Variants in PHF24 observed in about 807,000 individuals in gnomAD.
The protein encoded by PHF24 is Galpha inhibitory interacting protein.
A neutral mutation model predicts 42.6 loss-of-function variants in PHF24; 25 were observed. The observed-to-expected ratio is 0.59, with a 90% CI of 0.43 to 0.82. The LOEUF (loss-of-function observed/expected upper bound fraction) is 0.82. Among genes scored for constraint, PHF24 ranks in the 40% least tolerant of loss-of-function variants. The pLI is 0.00. For synonymous variants in PHF24, 185 were observed against 204.8 expected (o/e 0.90, Z 0.83); for missense variants, 470 against 538.1 (o/e 0.87, Z 1.25).
the PHF24 span, among the ~76,000 whole-genome samples, chr9:34,767,289 C>A: frequency 4.6e-4 from 70 of 152,324 alleles, no homozygotes; most frequent in African/African-American, 1.6e-3. Context: ...TTTGTTTGTC[C>A]GTGCCCTTCC....
chr9:34,914,017 T>C, the PHF24 span, among the ~76,000 whole-genome samples: 6 of 152,290 alleles, frequency 3.9e-5, no homozygotes, highest in South Asian at 1.2e-3. Context: ...TTAGAGTTAT[T>C]TGGCTTTATT....
the PHF24 span, chr9:34,724,045 C>G: frequency 6.6e-7 from 1 of 1,526,068 alleles, no homozygotes; most frequent in Non-Finnish European, 8.9e-7. Flanking sequence ...GCCCAAACCC[C>G]GCATCCCCTT....
the PHF24 span, among the ~76,000 whole-genome samples, chr9:34,850,422 G>T: frequency 2.0e-5 from 3 of 151,916 alleles, no homozygotes; most frequent in Non-Finnish European, 4.4e-5. Context: ...CATTCTTCAC[G>T]TAGTTCTCGA....
At chr9:34,970,630 A>G (rs1308098231) in intron 1 of PHF24, among the ~76,000 whole-genome samples, 1 of 152,188 alleles carries the variant, frequency 6.6e-6, no homozygotes, top group Non-Finnish European at 1.5e-5. Flanking sequence ...CTACTGAAGG[A>G]GCTTTTCTTG....
the PHF24 span, among the ~76,000 whole-genome samples, chr9:34,751,151 T>C: frequency 0.79 from 120,829 of 152,108 alleles, 48,693 homozygotes; most frequent in East Asian, 0.95. Flanking sequence ...GATCACCTGA[T>C]GTCATGAGTT....
the PHF24 span, among the ~76,000 whole-genome samples, chr9:34,767,966 A>T: frequency 6.6e-6 from 1 of 152,216 alleles, no homozygotes; most frequent in Non-Finnish European, 1.5e-5. Flanking sequence ...TATGGAAGTC[A>T]GTGGCTTCCA....
the PHF24 span, among the ~76,000 whole-genome samples, chr9:34,873,864 A>G: frequency 6.6e-6 from 1 of 151,894 alleles, no homozygotes; most frequent in African/African-American, 2.4e-5. Context: ...ATTTGTTTGT[A>G]TCCTCTTTTA....
chr9:34,936,009 G>A, the PHF24 span, among the ~76,000 whole-genome samples: 25 of 150,398 alleles, frequency 1.7e-4, no homozygotes, highest in Admixed American at 1.6e-3. Flanking sequence ...AAAAAAAATT[G>A]AGTCTCCCTC....
At chr9:34,971,368 T>C (rs758252784) in exon 2 of PHF24, 1 of 1,613,998 alleles carries the variant, frequency 6.2e-7, no homozygotes, top group South Asian at 1.1e-5. Flanking sequence ...TGTGTCTGCT[T>C]TCAAGGATGG....
chr9:34,697,154 G>C, the PHF24 span, among the ~76,000 whole-genome samples: 2 of 152,302 alleles, frequency 1.3e-5, no homozygotes, highest in East Asian at 3.9e-4. Flanking sequence ...GCCTGGATTT[G>C]ACAGTGGCCT....
the PHF24 span, among the ~76,000 whole-genome samples, chr9:34,692,055 G>A: frequency 5.3e-5 from 8 of 152,064 alleles, no homozygotes; most frequent in African/African-American, 1.4e-4. Flanking sequence ...TCAAGGAATC[G>A]GCCGATGGGG....
At chr9:34,808,829 A>T in the PHF24 span, among the ~76,000 whole-genome samples, 1 of 143,344 alleles carries the variant, frequency 7.0e-6, no homozygotes, top group Non-Finnish European at 1.5e-5. Flanking sequence ...GTATACTATT[A>T]CAAGGGCAAT....
the PHF24 span, among the ~76,000 whole-genome samples, chr9:34,821,537 T>A: frequency 6.6e-6 from 1 of 152,186 alleles, no homozygotes; most frequent in African/African-American, 2.4e-5. Context: ...CGTCTCCTAT[T>A]TACTGGCTCA....
the PHF24 span, among the ~76,000 whole-genome samples, chr9:34,809,363 G>C: frequency 6.6e-6 from 1 of 152,054 alleles, no homozygotes; most frequent in Non-Finnish European, 1.5e-5. This position sits in a 1 kb window ranked among gnomAD's most constrained non-coding sequence, Gnocchi z 4.1. Context: ...TCTTTGTGTT[G>C]CCCTCACTTT....
chr9:34,875,944 ACACACACTCTCTCTCT>A, the PHF24 span, among the ~76,000 whole-genome samples: 177 of 85,680 alleles, frequency 2.1e-3, no homozygotes, highest in African/African-American at 5.7e-3. Flanking sequence ...ACACACACAC[ACACACACTCTCTCTCT>A]CTCTCTCTCT....
At chr9:34,846,066 G>C in the PHF24 span, among the ~76,000 whole-genome samples, 1 of 152,080 alleles carries the variant, frequency 6.6e-6, no homozygotes, top group Non-Finnish European at 1.5e-5. Flanking sequence ...ACATACGTGT[G>C]CATGTGTCTT....
At chr9:34,760,712 C>G in the PHF24 span, among the ~76,000 whole-genome samples, 2 of 152,322 alleles carry the variant, frequency 1.3e-5, 1 homozygote, top group Admixed American at 1.3e-4. Flanking sequence ...GGGTCCTGGG[C>G]CAAACGCGGG....
At chr9:34,689,627 C>G in the PHF24 span, 1 of 641,880 alleles carries the variant, frequency 1.6e-6, no homozygotes, top group Non-Finnish European at 2.7e-6. This position sits in a 1 kb window ranked among gnomAD's most constrained non-coding sequence, Gnocchi z 4.1. Context: ...GGTGGAGCAG[C>G]TTTACTCTGA....
At chr9:34,823,591 G>T in the PHF24 span, among the ~76,000 whole-genome samples, 1 of 152,096 alleles carries the variant, frequency 6.6e-6, no homozygotes, top group Non-Finnish European at 1.5e-5. Context: ...TCCTGGAGAC[G>T]TTGGGGCCTC....
Sources: gnomAD v4.1 joint callset for allele counts (sites outside exome capture counted in the v4.1 genomes callset) on GRCh38, gnomAD v4.1.1 for gene constraint, Gnocchi (gnomAD v3.1) non-coding constraint, MANE v1.5 for transcripts, NCBI Gene and HGNC (gene_info 2026-07-23, HGNC 2026-07-21) for gene names.